The following ARID1B variants were observed in gnomAD, a reference collection of about 807,000 sequenced individuals.
ARID1B encodes the protein AT-rich interaction domain 1B.
ARID1B carries 30 observed loss-of-function variants against 212.3 expected under a neutral mutation model. The ratio of observed to expected loss-of-function variants is 0.14; its 90% CI spans 0.11 to 0.19. The LOEUF (loss-of-function observed/expected upper bound fraction) is 0.19, where lower values mean the gene tolerates loss of function less well. Among genes scored for constraint, ARID1B ranks in the 10% least tolerant of loss-of-function variants. The pLI, the probability that ARID1B is intolerant of heterozygous loss-of-function variation, is 1.00. For synonymous variants in ARID1B, 1,402 were observed against 1,301.7 expected (o/e 1.08, Z -1.66); for missense variants, 2,891 against 3,204.0 (o/e 0.90, Z 2.36).
In ARID1B at chr6:157,081,085, G is replaced by A. The variant is rs189461759; in HGVS notation, c.2248-3577G>A. Among the ~76,000 whole-genome samples, 9 of 152,276 alleles carry A rather than the reference G, an allele frequency of 5.9e-5. No individual in the cohort carries two copies. The East Asian group carries it at 1.5e-3, about 26-fold the overall frequency. Reference sequence around the variant, plus strand: ...TGCCAATCACCCCATCACAAAAAGAGGACTGATTTATGGAATGCCATGGGG... The same window carrying A: ...TGCCAATCACCCCATCACAAAAAGAAGACTGATTTATGGAATGCCATGGGG... On this transcript the variant is annotated intron_variant, in intron 4 of 19. Transcript: ENST00000636930.
chr6:157,122,999 T>C (rs1033272349), intron 6 of ARID1B, among the ~76,000 whole-genome samples: 2 of 152,094 alleles, frequency 1.3e-5, no homozygotes, highest in Non-Finnish European at 2.9e-5. Context: ...GGTTTCTTAG[T>C]TCAGACTGGT....
At chr6:156,840,220 C>G (rs976847264) in intron 2 of ARID1B, among the ~76,000 whole-genome samples, 2 of 152,188 alleles carry the variant, frequency 1.3e-5, no homozygotes, top group African/African-American at 4.8e-5. Context: ...CTGTTCTGAC[C>G]TTTGCGTTTC....
chr6:157,013,397 T>G (rs1779726588), intron 4 of ARID1B, among the ~76,000 whole-genome samples: 1 of 152,042 alleles, frequency 6.6e-6, no homozygotes, highest in African/African-American at 2.4e-5. Context: ...TGAGATGGAG[T>G]GATGGCAGGA....
intron 4 of ARID1B, chr6:156,976,563 A>G (rs1777262608): frequency 9.2e-6 from 2 of 216,748 alleles, no homozygotes; most frequent in South Asian, 1.2e-4. Flanking sequence ...GTGGACAAAA[A>G]GAAAGAAAGG....
At chr6:157,105,212 A>G (rs541526140) in intron 5 of ARID1B, among the ~76,000 whole-genome samples, 1 of 152,330 alleles carries the variant, frequency 6.6e-6, no homozygotes, top group Admixed American at 6.5e-5. Flanking sequence ...ACATGTATGT[A>G]CTCGAAGAAA....
intron 4 of ARID1B, among the ~76,000 whole-genome samples, chr6:157,029,775 C>G (rs1183072338): frequency 6.6e-6 from 1 of 152,142 alleles, no homozygotes; most frequent in Non-Finnish European, 1.5e-5. Flanking sequence ...GTGGCAGGAC[C>G]GAGGACCTGC....
chr6:156,841,603 A>G (rs913113025), intron 2 of ARID1B, among the ~76,000 whole-genome samples: 10 of 152,182 alleles, frequency 6.6e-5, no homozygotes, highest in African/African-American at 2.4e-4. Flanking sequence ...GTACTTTTAC[A>G]TGGATGTTCT....
chr6:157,203,984 C>G lies in ARID1B; in HGVS notation c.5382C>G (p.Phe1794Leu), dbSNP rs761451340. 9 of 1,614,070 alleles carry G rather than the reference C, an allele frequency of 5.6e-6. No individual in the cohort carries two copies. The highest frequency in any genetic ancestry group is 7.6e-6 in the Non-Finnish European group (9 of 1,179,970). The change falls in exon 19 of 20, where the codon TTC (phenylalanine) becomes TTG (leucine). Residue 1794 changes from phenylalanine to leucine, a missense_variant. Physicochemically the swap from Phe to Leu is conservative, Grantham distance 22. Coordinates refer to ENST00000636930, the MANE Select transcript of ARID1B (RefSeq NM_001374828.1). This position sits in a 1 kb window ranked among gnomAD's most constrained non-coding sequence, Gnocchi z 4.4. ...LLYDDSTVAT[F>L]NLSQLSGFLE... ...ATGATGACAGCACTGTTGCTACTTT[C>G]AATCTCTCCCAGGTAAGCCAGCATA... is the stretch of plus-strand genomic sequence containing the variant.
At chr6:157,165,630 T>C (rs1176196426) in intron 8 of ARID1B, among the ~76,000 whole-genome samples, 1 of 152,056 alleles carries the variant, frequency 6.6e-6, no homozygotes, top group East Asian at 1.9e-4. Flanking sequence ...GGCATATCGC[T>C]TTGAGCTTAG....
At chr6:157,182,312 T>C (rs1792608125) in intron 12 of ARID1B, among the ~76,000 whole-genome samples, 1 of 152,062 alleles carries the variant, frequency 6.6e-6, no homozygotes, top group South Asian at 2.1e-4. Context: ...ACTCACAGGG[T>C]AGTTGGTGGG....
At chr6:157,156,406 GTTA>G (rs1450757107) in intron 8 of ARID1B, among the ~76,000 whole-genome samples, 2 of 152,110 alleles carry the variant, frequency 1.3e-5, no homozygotes, top group Admixed American at 6.5e-5. Flanking sequence ...TTGAATGAAT[GTTA>G]TTATGTTAGT....
At chr6:156,799,896 C>T (rs898616156) in intron 1 of ARID1B, among the ~76,000 whole-genome samples, 4 of 152,142 alleles carry the variant, frequency 2.6e-5, no homozygotes, top group East Asian at 1.9e-4. Flanking sequence ...GAAGAAGCTG[C>T]GCAGTAATAA....
chr6:156,779,040 C>T lies in ARID1B; in HGVS notation c.1360C>T (p.Pro454Ser), dbSNP rs1778962227. Residue 454 changes from proline to serine, a missense_variant, in exon 1 of 20, where the codon CCC becomes TCC. By Grantham distance (74) the Pro-to-Ser change is moderately conservative (BLOSUM62 -1). Transcript: ENST00000636930. ...SSAGYGVLSS[P>S]RQQGGGMMMG... ...CGCGGGGTACGGGGTGCTGAGCTCC[C>T]CCCGGCAGCAGGGCGGCGGCATGAT... 3 of 1,227,688 alleles carry T rather than the reference C, an allele frequency of 2.4e-6. No individual in the cohort carries two copies. Among genetic ancestry groups the T allele is most frequent in the African/African-American group, 1.6e-5 (1 of 62,212 alleles). 76.0% of individuals were successfully genotyped at this position (1,227,688 alleles called of 1,614,324 possible). A position where few individuals can be genotyped will look rare whatever the true frequency, so the allele number is the denominator to read the frequency against.
chr6:156,792,274 C>T (rs1168329479), intron 1 of ARID1B, among the ~76,000 whole-genome samples: 1 of 152,144 alleles, frequency 6.6e-6, no homozygotes, highest in African/African-American at 2.4e-5. Context: ...TCATGTTTCC[C>T]CAAGTATCAG....
At chr6:156,899,785 G>A (rs921238299) in intron 2 of ARID1B, among the ~76,000 whole-genome samples, 1 of 152,202 alleles carries the variant, frequency 6.6e-6, no homozygotes, top group African/African-American at 2.4e-5. Context: ...GAGGGCTTCT[G>A]TAACCAGAAA....
At chr6:156,889,462 A>G (rs1787761169) in intron 2 of ARID1B, among the ~76,000 whole-genome samples, 1 of 152,258 alleles carries the variant, frequency 6.6e-6, no homozygotes, top group East Asian at 1.9e-4. Flanking sequence ...TTAGTTCAAC[A>G]CTGGTTGTAA....
At chr6:156,947,794 G>A (rs77064899) in intron 4 of ARID1B, among the ~76,000 whole-genome samples, 2,201 of 152,234 alleles carry the variant, frequency 0.014, 44 homozygotes, top group African/African-American at 0.05. Context: ...AATTCTTTTT[G>A]TATAAGCTAA....
intron 4 of ARID1B, among the ~76,000 whole-genome samples, chr6:156,946,511 A>G (rs560002133): frequency 4.3e-4 from 65 of 152,342 alleles, no homozygotes; most frequent in Non-Finnish European, 8.2e-4. Flanking sequence ...CTTCTATAGT[A>G]TTTCGAAAGT....
At chr6:157,055,818 G>A (rs914683328) in intron 4 of ARID1B, among the ~76,000 whole-genome samples, 6 of 152,202 alleles carry the variant, frequency 3.9e-5, no homozygotes, top group South Asian at 2.1e-4. Context: ...AAGCTCACCC[G>A]TTGGCAGAAT....
Sources: gnomAD v4.1 joint callset for allele counts (sites outside exome capture counted in the v4.1 genomes callset) on GRCh38, gnomAD v4.1.1 for gene constraint, Gnocchi (gnomAD v3.1) non-coding constraint, MANE v1.5 for transcripts, NCBI Gene and HGNC (gene_info 2026-07-23, HGNC 2026-07-21) for gene names.